PLXNA4: variants seen among roughly 807,000 people sequenced by gnomAD.
PLXNA4 encodes the protein plexin A4, also known as plexin-A4.
In PLXNA4, 44 loss-of-function variants were observed where a neutral mutation model predicts 191.8. That is an observed-to-expected ratio of 0.23 (90% CI 0.18 to 0.29). The LOEUF (loss-of-function observed/expected upper bound fraction) is 0.29, where lower values mean the gene tolerates loss of function less well. Ranked by LOEUF, PLXNA4 falls within the 10% of genes least tolerant of loss-of-function variation. The pLI, the probability that PLXNA4 is intolerant of heterozygous loss-of-function variation, is 1.00. For missense variants in PLXNA4, 1,800 were observed against 2,488.8 expected (o/e 0.72, Z 5.89); for synonymous variants, 1,082 against 1,009.5 (o/e 1.07, Z -1.36).
rs746749280 is a variant in PLXNA4, at chr7:132,147,974, A to G, written c.4790T>C (p.Leu1597Ser). 6.2e-7 allele frequency: 1 copy of G among 1,614,026 alleles called. No individual in the cohort carries two copies. Among genetic ancestry groups the G allele is most frequent in the Non-Finnish European group, 8.5e-7 (1 of 1,180,028 alleles). ...ATAGGCTGTCACCTGCTTGGACACT[A>G]ATGCCACCACGGAACCATCTGGCAC... ...YQVPDGSVVA[L>S]VSKQVTAYNA... The change falls in exon 27 of 32, where the codon TTA becomes TCA. Residue 1597 changes from leucine (L) to serine (S), a missense_variant. Leu to Ser is a moderately radical substitution (Grantham distance 145). This residue lies in a region of PLXNA4 where 214 missense variants were observed against 298.2 expected (regional missense o/e 0.72). Transcript: ENST00000321063.
intron 2 of PLXNA4, among the ~76,000 whole-genome samples, chr7:132,597,551 C>G (rs1393627445): frequency 1.3e-5 from 2 of 151,614 alleles, no homozygotes; most frequent in Non-Finnish European, 2.9e-5. Flanking sequence ...ATGACACATT[C>G]AATCATGCAT....
At chr7:132,291,427 C>T (rs1298499393) in intron 4 of PLXNA4, among the ~76,000 whole-genome samples, 1 of 152,182 alleles carries the variant, frequency 6.6e-6, no homozygotes, top group Non-Finnish European at 1.5e-5. Context: ...TGTCTCTCTG[C>T]CCAGAATGTA....
chr7:132,138,724 G>A (rs1795184019), intron 30 of PLXNA4, among the ~76,000 whole-genome samples: 1 of 152,148 alleles, frequency 6.6e-6, no homozygotes, highest in African/African-American at 2.4e-5. Context: ...ATAACCCAAT[G>A]GACTGAGTTT....
In PLXNA4 at chr7:132,165,718, G is replaced by GA. The variant is rs3085196; in HGVS notation, c.4287-519dup. Among the ~76,000 whole-genome samples the GA allele has an allele frequency of 4.6e-3, 680 of 149,388 alleles. 14 individuals carry two copies. Among genetic ancestry groups the GA allele is most frequent in the African/African-American group, 0.015 (591 of 40,712 alleles). ...ATAGGCTAGTTGTGTTCTTTTGGGT[G>GA]AAAAAAAAAAATCCCAAATCCTGGG... On this transcript the variant is annotated intron_variant, in intron 22 of 31. Transcript: ENST00000321063.
intron 1 of PLXNA4, among the ~76,000 whole-genome samples, chr7:132,512,048 T>C (rs1170071304): frequency 1.3e-5 from 2 of 152,200 alleles, no homozygotes; most frequent in East Asian, 3.9e-4. Flanking sequence ...CCAGCCTTTG[T>C]CTGAAAGAGA....
At chr7:132,602,041 G>A (rs1345797979) in intron 2 of PLXNA4, among the ~76,000 whole-genome samples, 1 of 152,174 alleles carries the variant, frequency 6.6e-6, no homozygotes, top group Non-Finnish European at 1.5e-5. Context: ...TACCATAGAA[G>A]AATCTAGGTT....
intron 8 of PLXNA4, among the ~76,000 whole-genome samples, chr7:132,224,938 A>T (rs1798265986): frequency 6.6e-6 from 1 of 152,222 alleles, no homozygotes; most frequent in African/African-American, 2.4e-5. Flanking sequence ...ATGTTAAAAC[A>T]AGCAGGGTTT....
intron 1 of PLXNA4, among the ~76,000 whole-genome samples, chr7:132,567,329 AC>A (rs1801782003): frequency 1.4e-5 from 2 of 139,766 alleles, no homozygotes; most frequent in Admixed American, 1.6e-4. Flanking sequence ...CAGTGCCAAA[AC>A]CCATAGTGAG....
intron 3 of PLXNA4, among the ~76,000 whole-genome samples, chr7:132,313,909 G>T (rs567664135): frequency 5.3e-5 from 8 of 152,088 alleles, no homozygotes; most frequent in Non-Finnish European, 8.8e-5. Flanking sequence ...TTGGAAAAGT[G>T]CCGGGGAAAG....
intron 21 of PLXNA4, among the ~76,000 whole-genome samples, chr7:132,169,658 G>A (rs1796224988): frequency 6.6e-6 from 1 of 152,102 alleles, no homozygotes; most frequent in African/African-American, 2.4e-5. Flanking sequence ...TTAATCAATG[G>A]TTGTAGAGAA....
intron 4 of PLXNA4, among the ~76,000 whole-genome samples, chr7:132,294,248 A>G (rs901239501): frequency 2.6e-5 from 4 of 152,234 alleles, no homozygotes; most frequent in Non-Finnish European, 5.9e-5. Flanking sequence ...AAAGGGGAAC[A>G]ACCAGGACAA....
chr7:132,516,654 C>T (rs901661001), intron 1 of PLXNA4, among the ~76,000 whole-genome samples: 2 of 152,110 alleles, frequency 1.3e-5, no homozygotes, highest in Non-Finnish European at 2.9e-5. Context: ...TAGATACATT[C>T]CAGAGCAAAA....
chr7:132,620,731 G>A (rs1029004265), intron 2 of PLXNA4, among the ~76,000 whole-genome samples: 11 of 152,126 alleles, frequency 7.2e-5, no homozygotes, highest in Non-Finnish European at 1.6e-4. Context: ...TTTTCATTTG[G>A]AATATGTCTT....
At chr7:132,287,628 A>C (rs1026705537) in intron 4 of PLXNA4, among the ~76,000 whole-genome samples, 2 of 152,030 alleles carry the variant, frequency 1.3e-5, no homozygotes, top group Non-Finnish European at 2.9e-5. Flanking sequence ...GGTCTGTCTG[A>C]GAGATGCCAG....
At chr7:132,357,818 A>G (rs1229925134) in intron 3 of PLXNA4, among the ~76,000 whole-genome samples, 1 of 152,192 alleles carries the variant, frequency 6.6e-6, no homozygotes, top group African/African-American at 2.4e-5. Flanking sequence ...GTGTTTTTAT[A>G]GATTTGTGCG....
chr7:132,235,908 G>A (rs1358678288), intron 5 of PLXNA4, among the ~76,000 whole-genome samples: 2 of 152,176 alleles, frequency 1.3e-5, no homozygotes, highest in Non-Finnish European at 2.9e-5. Flanking sequence ...AAGTCAGAAT[G>A]AGTCAGCTCA....
intron 3 of PLXNA4, among the ~76,000 whole-genome samples, chr7:132,477,482 C>T (rs1161580716): frequency 6.6e-6 from 1 of 152,216 alleles, no homozygotes; most frequent in Non-Finnish European, 1.5e-5. Flanking sequence ...CTGCAGCCAG[C>T]CCAGGGTGCA....
intron 3 of PLXNA4, among the ~76,000 whole-genome samples, chr7:132,415,529 G>A (rs1467902325): frequency 6.6e-6 from 1 of 152,018 alleles, no homozygotes; most frequent in Non-Finnish European, 1.5e-5. Flanking sequence ...CCTGGGAGAC[G>A]GTATTGTCTC....
At chr7:132,166,144 C>T (rs1453863242) in intron 22 of PLXNA4, among the ~76,000 whole-genome samples, 1 of 151,864 alleles carries the variant, frequency 6.6e-6, no homozygotes. Flanking sequence ...TTGCAGTGAG[C>T]CAAGATCTTG....
Sources: allele counts gnomAD v4.1 joint callset (sites outside exome capture counted in the v4.1 genomes callset), GRCh38; gene constraint gnomAD v4.1.1; regional missense constraint gnomAD v4.1.1; transcripts MANE v1.5; gene names NCBI Gene and HGNC (gene_info 2026-07-23, HGNC 2026-07-21).